Variants in STK3 observed in about 807,000 individuals in gnomAD.
The protein encoded by STK3 is serine/threonine-protein kinase 3.
In STK3, 41 loss-of-function variants were observed where a neutral mutation model predicts 58.0. The observed-to-expected ratio is 0.71, with a 90% CI of 0.55 to 0.92. STK3 has a LOEUF of 0.92. Ranked by LOEUF, STK3 falls within the 40% of genes least tolerant of loss-of-function variation. The pLI, the probability that STK3 is intolerant of heterozygous loss-of-function variation, is 0.00. For synonymous variants in STK3, 170 were observed against 191.0 expected, an observed-to-expected ratio of 0.89 and a Z score of 0.91; for missense variants, 479 against 602.7, an observed-to-expected ratio of 0.79 and a Z score of 2.15.
downstream of STK3, among the ~76,000 whole-genome samples, chr8:98,399,872 C>T (rs955043102): frequency 5.9e-5 from 9 of 152,190 alleles, no homozygotes; most frequent in Admixed American, 2.0e-4. Context: ...CCACGTGCTT[C>T]GGGAGGGTCA....
chr8:98,607,460 A>G (rs1816864767), intron 6 of STK3, among the ~76,000 whole-genome samples: 1 of 152,234 alleles, frequency 6.6e-6, no homozygotes. Flanking sequence ...TCATGCATTC[A>G]CAATTTTTTT....
intron 6 of STK3, among the ~76,000 whole-genome samples, chr8:98,634,874 A>C (rs1257497963): frequency 6.6e-6 from 1 of 151,976 alleles, no homozygotes; most frequent in Non-Finnish European, 1.5e-5. Context: ...CTCCCACCTC[A>C]GCCTCCCAAG....
intron 3 of STK3, among the ~76,000 whole-genome samples, chr8:98,849,225 CAAAAAAAA>C (rs1013187542): frequency 1.9e-5 from 1 of 52,150 alleles, no homozygotes; most frequent in African/African-American, 6.4e-5. Context: ...GACTCCATCT[CAAAAAAAA>C]AAAAAAAAAA....
the STK3 span, among the ~76,000 whole-genome samples, chr8:98,363,009 C>T: frequency 5.3e-5 from 8 of 152,232 alleles, no homozygotes; most frequent in Admixed American, 5.2e-4. Context: ...CACACACACT[C>T]ATACCATGTT....
chr8:98,761,402 G>C lies in STK3; in HGVS notation c.236+5841C>G, dbSNP rs1480146885. Among the ~76,000 whole-genome samples the C allele has an allele frequency of 2.0e-5, 3 of 152,088 alleles. No homozygotes were observed. The East Asian group carries it at 5.8e-4, about 29-fold the overall frequency. On this transcript the variant is annotated intron_variant, in intron 3 of 10. Transcript: ENST00000419617. ...GGCCTCCCAAAGTGCAAGGATTATA[G>C]GCATGAGCCACCACATACAATCAAA...
intron 3 of STK3, among the ~76,000 whole-genome samples, chr8:98,850,013 C>G (rs190046463): frequency 2.6e-5 from 4 of 152,212 alleles, no homozygotes; most frequent in Non-Finnish European, 4.4e-5. Context: ...TCATTTTTAT[C>G]TCTTTATCAC....
intron 7 of STK3, among the ~76,000 whole-genome samples, chr8:98,580,915 C>T (rs1256343846): frequency 1.3e-5 from 2 of 152,140 alleles, no homozygotes; most frequent in Admixed American, 1.3e-4. Context: ...TAAGAAAGAA[C>T]TTTTTCAGAG....
At chr8:98,868,998 A>AAG (rs1209772858) in intron 3 of STK3, among the ~76,000 whole-genome samples, 1 of 145,266 alleles carries the variant, frequency 6.9e-6, no homozygotes, top group African/African-American at 2.6e-5. Flanking sequence ...AGAAAGAAGA[A>AAG]AGAGAGAGAG....
chr8:98,445,446 C>A (rs1013818973), intron 1 of STK3, among the ~76,000 whole-genome samples: 1 of 151,766 alleles, frequency 6.6e-6, no homozygotes, highest in Admixed American at 6.6e-5. Context: ...CCAAACATAT[C>A]CAAAATATTA....
intron 9 of STK3, among the ~76,000 whole-genome samples, chr8:98,544,464 T>G (rs927245559): frequency 5.3e-5 from 8 of 152,160 alleles, no homozygotes; most frequent in African/African-American, 1.7e-4. Flanking sequence ...TGTATATTAT[T>G]TATCTATATT....
intron 3 of STK3, among the ~76,000 whole-genome samples, chr8:98,852,172 T>C (rs1047723243): frequency 6.6e-6 from 1 of 151,906 alleles, no homozygotes; most frequent in Non-Finnish European, 1.5e-5. Context: ...AGTTTTGCTC[T>C]TGTTGCCCAG....
At chr8:98,358,178 C>G in the STK3 span, among the ~76,000 whole-genome samples, 1 of 152,146 alleles carries the variant, frequency 6.6e-6, no homozygotes, top group Non-Finnish European at 1.5e-5. Flanking sequence ...CACTCAGCAG[C>G]TGATTCAGCT....
At chr8:98,541,243 G>A (rs963758992) in intron 9 of STK3, among the ~76,000 whole-genome samples, 1 of 152,124 alleles carries the variant, frequency 6.6e-6, no homozygotes, top group Non-Finnish European at 1.5e-5. Context: ...GTGCTGGAGG[G>A]GGGACTGGTG....
chr8:98,898,382 C>T (rs1325218484), intron 1 of STK3, among the ~76,000 whole-genome samples: 1 of 152,158 alleles, frequency 6.6e-6, no homozygotes, highest in Non-Finnish European at 1.5e-5. Flanking sequence ...TTGTCTTTGC[C>T]TAGGACACCC....
intron 3 of STK3, among the ~76,000 whole-genome samples, chr8:98,840,997 C>T (rs377311487): frequency 6.6e-6 from 1 of 152,198 alleles, no homozygotes; most frequent in Non-Finnish European, 1.5e-5. Flanking sequence ...CTGTTCCTTA[C>T]TACCAGTTGG....
rs1244022278 is a variant in STK3 at position 98,455,214 on chromosome 8, T to C, written c.*628A>G. On this transcript the variant is annotated 3_prime_UTR_variant, in exon 11 of 11. Transcript: ENST00000419617. ...AAAATTTCAAAGGGTAAAAATGGAA[T>C]TATTGCTTCAATATAAAAAAGGCCT... The C allele has an allele frequency of 6.6e-6, 1 of 152,570 alleles. No homozygotes were observed. Among genetic ancestry groups the C allele is most frequent in the Non-Finnish European group, 1.5e-5 (1 of 68,036 alleles). 9.5% of individuals were successfully genotyped at this position (152,570 alleles called of 1,614,324 possible).
chr8:98,519,191 C>T (rs1467366265), intron 10 of STK3, among the ~76,000 whole-genome samples: 2 of 152,086 alleles, frequency 1.3e-5, no homozygotes, highest in South Asian at 2.1e-4. Context: ...AAGGAGTACA[C>T]TACAAGGAAA....
chr8:98,804,245 G>A (rs886224698), intron 1 of STK3, among the ~76,000 whole-genome samples: 3 of 151,910 alleles, frequency 2.0e-5, no homozygotes, highest in South Asian at 2.1e-4. Context: ...CAAGTGATCC[G>A]CCCACCTCGG....
chr8:98,451,577 C>T (rs965838639), downstream of STK3, among the ~76,000 whole-genome samples: 28 of 152,208 alleles, frequency 1.8e-4, no homozygotes, highest in African/African-American at 6.5e-4. Context: ...TGATGTGGTC[C>T]AGTGTGAGAA....
Sources: gnomAD v4.1 joint callset for allele counts (sites outside exome capture counted in the v4.1 genomes callset) on GRCh38, gnomAD v4.1.1 for gene constraint, MANE v1.5 for transcripts, NCBI Gene and HGNC (gene_info 2026-07-23, HGNC 2026-07-21) for gene names.